Variants in PHF12 observed in about 807,000 individuals in gnomAD.
The protein encoded by PHF12 is PHD finger protein 12.
Under a neutral mutation model 99.8 loss-of-function variants are expected in PHF12, and 6 were observed. The observed-to-expected ratio is 0.06, with a 90% CI of 0.03 to 0.12. PHF12 has a LOEUF of 0.12. Among genes scored for constraint, PHF12 ranks in the 10% least tolerant of loss-of-function variants. The pLI is 1.00. For missense variants in PHF12, 954 were observed against 1,300.1 expected (o/e 0.73, Z 4.09); for synonymous variants, 480 against 514.9 (o/e 0.93, Z 0.92).
At position 28,950,256 on chromosome 17, in the gene PHF12, C is replaced by G; in HGVS notation, c.67-10G>C. 6.2e-7 allele frequency: 1 copy of G among 1,604,528 alleles called. No individual in the cohort carries two copies. The highest frequency in any genetic ancestry group is 8.5e-7 in the Non-Finnish European group (1 of 1,178,812). The stretch of plus-strand genomic sequence containing the variant: ...GCAGAGCTTGGATTTGCTGCACACA[C>G]ATACAAACGGCGTGTGTGCACACTC... On this transcript the variant is annotated splice_polypyrimidine_tract_variant and intron_variant, in intron 1 of 14. Transcript: ENST00000332830. This position sits in a 1 kb window ranked among gnomAD's most constrained non-coding sequence, Gnocchi z 5.7.
chr17:28,931,427 T>C (rs2040403098), intron 2 of PHF12, among the ~76,000 whole-genome samples: 1 of 150,258 alleles, frequency 6.7e-6, no homozygotes, highest in Admixed American at 6.6e-5. Flanking sequence ...CGGCTAATTT[T>C]TATATTTTTA....
intron 6 of PHF12, among the ~76,000 whole-genome samples, chr17:28,917,845 T>C (rs1337432115): frequency 6.6e-6 from 1 of 152,106 alleles, no homozygotes; most frequent in Non-Finnish European, 1.5e-5. Flanking sequence ...CCACACTCCC[T>C]TCCCAGGAAG....
At position 28,910,265 on chromosome 17, in the gene PHF12, C is replaced by T. The variant is rs546541164; in HGVS notation, c.2320G>A (p.Gly774Arg). 15 of 1,614,170 alleles carry T rather than the reference C, an allele frequency of 9.3e-6. No homozygotes were observed. The African/African-American group carries it at 1.1e-4, about 11-fold the overall frequency. Residue 774 changes from glycine (G) to arginine (R), a missense_variant, in exon 11 of 15, where the codon GGG becomes AGG. By Grantham distance (125) the Gly-to-Arg change is moderately radical (BLOSUM62 -2). Around this residue, in one of 8 missense-constraint regions of PHF12, gnomAD observed 143 missense variants for 191.8 expected, o/e 0.75. Transcript: ENST00000332830. ...CCTCCAGAAGCCAGCTGATGTGTCC[C>T]GACACTGCCCGGTGAAGGTTGGACC... ...SRVQPSPGSV[G>R]THQLASGGHH... is the part of the protein sequence containing the mutation.
intron 2 of PHF12, among the ~76,000 whole-genome samples, chr17:28,939,970 A>G (rs2040583930): frequency 6.6e-6 from 1 of 152,228 alleles, no homozygotes; most frequent in Non-Finnish European, 1.5e-5. Context: ...AGTAGGAAAG[A>G]CTGACGCTAC....
chr17:28,912,951 T>C lies in PHF12; in HGVS notation c.1620A>G (p.Pro540=). ...KKTPCGTANG[P]VNTEVKANGP... ...CATTAGCTTTCACCTCTGTGTTCAC[T>C]GGCCCATTGGCAGTCCCACAAGGGG... is the stretch of plus-strand genomic sequence containing the variant. Residue 540 remains proline (P), a synonymous_variant, in exon 9 of 15, where the codon CCA becomes CCG. Coordinates refer to ENST00000332830, the MANE Select transcript of PHF12 (RefSeq NM_001033561.2). The C allele has an allele frequency of 1.2e-6, 2 of 1,614,264 alleles. No homozygotes were observed. Among genetic ancestry groups the C allele is most frequent in the Non-Finnish European group, 1.7e-6 (2 of 1,180,038 alleles).
intron 9 of PHF12, 65 bp from the exon 10 acceptor site, chr17:28,911,302 A>G: frequency 1.9e-6 from 3 of 1,598,326 alleles, no homozygotes; most frequent in Non-Finnish European, 8.5e-7. Context: ...CCAATCCCCC[A>G]CTGCTGAGAC....
chr17:28,921,592 T>C, intron 5 of PHF12, 96 bp downstream of exon 5: 1 of 1,462,028 alleles, frequency 6.8e-7, no homozygotes, highest in Non-Finnish European at 9.4e-7. Context: ...ATATGGGCTG[T>C]TCACATTTAA....
At chr17:28,927,088 A>G (rs2040293872) in intron 2 of PHF12, 25 bp from the exon 3 acceptor site, 2 of 1,593,770 alleles carry the variant, frequency 1.3e-6, no homozygotes, top group Non-Finnish European at 1.7e-6. Flanking sequence ...CAAGGGCAAG[A>G]CTAAATAACT....
chr17:28,945,675 C>G (rs2040708822), intron 2 of PHF12, among the ~76,000 whole-genome samples: 1 of 152,164 alleles, frequency 6.6e-6, no homozygotes, highest in African/African-American at 2.4e-5. Flanking sequence ...TGACAACAAT[C>G]CTACCAATCT....
At chr17:28,925,504 C>A (rs1377182289) in intron 3 of PHF12, 2 of 152,328 alleles carry the variant, frequency 1.3e-5, no homozygotes, top group South Asian at 2.1e-4. Context: ...GTGGAAAAGG[C>A]AGACTTGGCA....
chr17:28,908,207 C>T (rs967607635), intron 12 of PHF12: 1 of 162,308 alleles, frequency 6.2e-6, no homozygotes, highest in African/African-American at 2.4e-5. Flanking sequence ...TTAGGTTCTT[C>T]CCTGCAGTGT....
intron 2 of PHF12, among the ~76,000 whole-genome samples, chr17:28,939,677 A>C (rs891965307): frequency 1.3e-5 from 2 of 152,240 alleles, no homozygotes; most frequent in African/African-American, 2.4e-5. Flanking sequence ...GCATTTCATT[A>C]GTTTCTCTGC....
chr17:28,927,172 G>T, intron 2 of PHF12, 109 bp from the exon 3 acceptor site: 1 of 938,756 alleles, frequency 1.1e-6, no homozygotes, highest in Non-Finnish European at 1.6e-6. Flanking sequence ...CAGTCCTGCA[G>T]GACTGCTAGG....
rs1276793847 is a variant in PHF12, at chr17:28,911,222, G to T, written c.2105C>A (p.Pro702His). 1 of 1,614,088 alleles carries T rather than the reference G, an allele frequency of 6.2e-7. No homozygotes were observed. Among genetic ancestry groups the T allele is most frequent in the Admixed American group, 1.7e-5 (1 of 60,018 alleles). ...AGCGCTTCCTATGGATAACGTGCCG[G>T]GGCTGACCTTGCCATCTGGGGACGG... Reference protein sequence around the residue: ...PAPSSDGKVSPGTLSIGSALT... With the variant: ...PAPSSDGKVSHGTLSIGSALT... The change falls in exon 10 of 15, where the codon CCC becomes CAC. Residue 702 changes from proline (P) to histidine (H), a missense_variant. Physicochemically the swap from Pro to His is moderately conservative, Grantham distance 77. Around this residue, in one of 8 missense-constraint regions of PHF12, gnomAD observed 143 missense variants for 191.8 expected, o/e 0.75. Coordinates refer to ENST00000332830, the MANE Select transcript of PHF12 (RefSeq NM_001033561.2).
intron 2 of PHF12, among the ~76,000 whole-genome samples, chr17:28,945,780 G>A (rs147497495): frequency 6.6e-6 from 1 of 152,160 alleles, no homozygotes; most frequent in Non-Finnish European, 1.5e-5. Context: ...CTTTCAGAAA[G>A]CTCAACTCAT....
intron 2 of PHF12, among the ~76,000 whole-genome samples, chr17:28,940,115 A>G (rs1204037114): frequency 6.6e-6 from 1 of 152,230 alleles, no homozygotes; most frequent in East Asian, 1.9e-4. Flanking sequence ...ATTAAACACC[A>G]AAGTCACTAA....
Position 28,908,812 on chromosome 17 carries a change from A to G in PHF12, c.2429T>C (p.Met810Thr). The G allele has an allele frequency of 6.2e-7, 1 of 1,613,988 alleles. No individual in the cohort carries two copies. The highest frequency in any genetic ancestry group is 1.1e-5 in the South Asian group (1 of 91,068). ...PLLGLGGAVN[M>T]CYRTLYIGTG... ...CCCGATGTAGAGGGTTCGATAGCAC[A>G]TGTTCACAGCTCCTCCCAACCCTAA... The change falls in exon 12 of 15, where the codon ATG (methionine) becomes ACG (threonine). Residue 810 changes from methionine to threonine, a missense_variant. Around this residue, in one of 8 missense-constraint regions of PHF12, gnomAD observed 143 missense variants for 191.8 expected, o/e 0.75. Coordinates refer to ENST00000332830, the MANE Select transcript of PHF12 (RefSeq NM_001033561.2).
At chr17:28,934,529 T>A (rs2040471053) in intron 2 of PHF12, among the ~76,000 whole-genome samples, 1 of 152,150 alleles carries the variant, frequency 6.6e-6, no homozygotes, top group African/African-American at 2.4e-5. Context: ...AGTGGAGACA[T>A]TTCTTCTGAA....
chr17:28,919,107 G>A, intron 6 of PHF12, 36 bp downstream of exon 6: 2 of 1,596,458 alleles, frequency 1.3e-6, no homozygotes, highest in Non-Finnish European at 1.7e-6. Flanking sequence ...CTCCAGCTAT[G>A]CCCATTGAGG....
Sources: gnomAD v4.1 joint callset for allele counts (sites outside exome capture counted in the v4.1 genomes callset) on GRCh38, gnomAD v4.1.1 for gene constraint, gnomAD v4.1.1 regional missense constraint, Gnocchi (gnomAD v3.1) non-coding constraint, MANE v1.5 for transcripts, NCBI Gene and HGNC (gene_info 2026-07-23, HGNC 2026-07-21) for gene names.